The following ACYP2 variants were observed in gnomAD, a reference collection of about 807,000 sequenced individuals.
ACYP2 encodes the protein acylphosphatase-2.
ACYP2 carries 12 observed loss-of-function variants against 11.2 expected under a neutral mutation model. The observed-to-expected ratio is 1.08, with a 90% CI of 0.69 to 1.74. The LOEUF (loss-of-function observed/expected upper bound fraction) is 1.74, where lower values mean the gene tolerates loss of function less well. Ranked by LOEUF, ACYP2 falls within the 40% of genes most tolerant of loss-of-function variation. The pLI, the probability that ACYP2 is intolerant of heterozygous loss-of-function variation, is 0.00. For synonymous variants in ACYP2, 43 were observed against 32.2 expected, an observed-to-expected ratio of 1.33 and a Z score of -1.13; for missense variants, 134 against 101.9, an observed-to-expected ratio of 1.31 and a Z score of -1.35.
intron 2 of ACYP2, among the ~76,000 whole-genome samples, chr2:54,039,066 C>G (rs1675074454): frequency 6.6e-6 from 1 of 151,860 alleles, no homozygotes; most frequent in African/African-American, 2.4e-5. Context: ...GTTCAAGGAA[C>G]AGCAAAGGGT....
intron 6 of ACYP2, among the ~76,000 whole-genome samples, chr2:54,290,004 C>T (rs1342860679): frequency 6.6e-6 from 1 of 152,078 alleles, no homozygotes; most frequent in African/African-American, 2.4e-5. Context: ...CACATCTGTT[C>T]TTCTAGCGGT....
intron 2 of ACYP2, among the ~76,000 whole-genome samples, chr2:54,048,374 G>A (rs909125755): frequency 6.6e-6 from 1 of 152,100 alleles, no homozygotes; most frequent in Non-Finnish European, 1.5e-5. Context: ...TGCAGTGAGT[G>A]GTGATTGTGC....
At chr2:54,209,562 C>T (rs1374830773) in intron 6 of ACYP2, among the ~76,000 whole-genome samples, 1 of 152,114 alleles carries the variant, frequency 6.6e-6, no homozygotes, top group Non-Finnish European at 1.5e-5. Flanking sequence ...GAGAAAATGA[C>T]CTGGAATGGT....
At chr2:54,122,266 G>A (rs1028375955) in intron 4 of ACYP2, among the ~76,000 whole-genome samples, 10 of 152,214 alleles carry the variant, frequency 6.6e-5, no homozygotes, top group Admixed American at 1.3e-4. Context: ...TTAAATATCA[G>A]TGTGTGTTTG....
chr2:54,256,837 T>A (rs1017699197), intron 6 of ACYP2, among the ~76,000 whole-genome samples: 2 of 151,996 alleles, frequency 1.3e-5, no homozygotes, highest in African/African-American at 4.8e-5. Context: ...TTTGTTTTGT[T>A]TTGTATTTTT....
intron 2 of ACYP2, among the ~76,000 whole-genome samples, chr2:54,003,927 A>G (rs1463474721): frequency 6.6e-6 from 1 of 151,970 alleles, no homozygotes; most frequent in Non-Finnish European, 1.5e-5. Context: ...GGTTTTGGCC[A>G]TTCTCATAGA....
At chr2:54,136,364 C>A (rs1681233175) in intron 5 of ACYP2, among the ~76,000 whole-genome samples, 2 of 152,082 alleles carry the variant, frequency 1.3e-5, no homozygotes, top group Non-Finnish European at 2.9e-5. Flanking sequence ...TACTCCTTTC[C>A]TACAACTTAA....
intron 4 of ACYP2, 138 bp downstream of exon 1, chr2:54,115,894 C>G: frequency 2.6e-6 from 3 of 1,152,878 alleles, no homozygotes; most frequent in African/African-American, 2.3e-5. Flanking sequence ...ACAGCAGCGG[C>G]GGCGGGGAGG....
At chr2:53,995,123 C>G (rs1177633327) in intron 2 of ACYP2, among the ~76,000 whole-genome samples, 2 of 152,152 alleles carry the variant, frequency 1.3e-5, no homozygotes, top group Non-Finnish European at 1.5e-5. Context: ...TGTTCTGTCT[C>G]TCATAGTTGC....
chr2:54,195,803 T>TTTTTTTTG (rs1684449115), intron 6 of ACYP2, among the ~76,000 whole-genome samples: 1 of 139,852 alleles, frequency 7.2e-6, no homozygotes, highest in Non-Finnish European at 1.5e-5. Flanking sequence ...GGTTTTTTTT[T>TTTTTTTTG]TTTTTTTTTT....
intron 4 of ACYP2, 103 bp downstream of exon 1, chr2:54,115,859 G>A (rs763726568): frequency 7.1e-5 from 96 of 1,352,744 alleles, no homozygotes; most frequent in Non-Finnish European, 8.7e-5. Context: ...TCCCGTTGTG[G>A]CTGGGACTTC....
intron 2 of ACYP2, among the ~76,000 whole-genome samples, chr2:54,046,167 C>CAAAAAA (rs36114622): frequency 1.8e-5 from 1 of 55,844 alleles, no homozygotes. Flanking sequence ...CAGACCCTGT[C>CAAAAAA]AAAAAAAAAA....
At chr2:54,102,175 T>C (rs955194372) in intron 4 of ACYP2, among the ~76,000 whole-genome samples, 1 of 152,232 alleles carries the variant, frequency 6.6e-6, no homozygotes, top group African/African-American at 2.4e-5. Flanking sequence ...CAGCAGTGCG[T>C]GAGAGTCTGT....
At chr2:53,994,441 C>T (rs1010452162) in intron 2 of ACYP2, among the ~76,000 whole-genome samples, 74 of 147,980 alleles carry the variant, frequency 5.0e-4, no homozygotes, top group East Asian at 2.0e-4. Flanking sequence ...ATCACTTGAA[C>T]CCAGGAGGTG....
chr2:53,996,678 TC>T (rs1672589674), intron 2 of ACYP2, among the ~76,000 whole-genome samples: 1 of 152,144 alleles, frequency 6.6e-6, no homozygotes, highest in African/African-American at 2.4e-5. Context: ...GTGTATTCTT[TC>T]AGCTAAAAGG....
At chr2:54,210,271 C>T (rs1056178452) in intron 6 of ACYP2, among the ~76,000 whole-genome samples, 11 of 151,916 alleles carry the variant, frequency 7.2e-5, no homozygotes, top group African/African-American at 2.4e-4. Context: ...TAGATCCCAT[C>T]CTCTTTTAGA....
chr2:54,122,874 T>C (rs1680240971), intron 4 of ACYP2, among the ~76,000 whole-genome samples: 1 of 152,172 alleles, frequency 6.6e-6, no homozygotes, highest in South Asian at 2.1e-4. Context: ...CCTATCTTCA[T>C]TGTGTGAGTT....
At chr2:54,040,682 A>G (rs932655368) in intron 2 of ACYP2, among the ~76,000 whole-genome samples, 13 of 152,218 alleles carry the variant, frequency 8.5e-5, no homozygotes, top group African/African-American at 2.9e-4. Context: ...GAGTAATCAC[A>G]TTCTACTAAC....
At chr2:54,140,832 G>T (rs560147976) in intron 6 of ACYP2, among the ~76,000 whole-genome samples, 12 of 152,108 alleles carry the variant, frequency 7.9e-5, no homozygotes, top group Non-Finnish European at 1.6e-4. Context: ...ATTTTATTTT[G>T]ATTGCATAGG....
Sources: allele counts gnomAD v4.1 joint callset (sites outside exome capture counted in the v4.1 genomes callset), GRCh38; gene constraint gnomAD v4.1.1; transcripts MANE v1.5; gene names NCBI Gene and HGNC (gene_info 2026-07-23, HGNC 2026-07-21).